Variants in ARHGAP24 observed in about 807,000 individuals in gnomAD.
ARHGAP24 encodes the protein Rho GTPase activating protein 24, also known as rho GTPase-activating protein 24.
Under a neutral mutation model 76.4 loss-of-function variants are expected in ARHGAP24, and 50 were observed. The ratio of observed to expected loss-of-function variants is 0.65; its 90% CI spans 0.52 to 0.83. The LOEUF (loss-of-function observed/expected upper bound fraction) is 0.83. Among genes scored for constraint, ARHGAP24 ranks in the 40% least tolerant of loss-of-function variants. The pLI, the probability that ARHGAP24 is intolerant of heterozygous loss-of-function variation, is 0.00. For synonymous variants in ARHGAP24, 345 were observed against 323.3 expected, an observed-to-expected ratio of 1.07 and a Z score of -0.72; for missense variants, 930 against 914.2, an observed-to-expected ratio of 1.02 and a Z score of -0.22.
chr4:85,974,863 T>C, intron 6 of ARHGAP24, 25 bp from the exon 7 acceptor site: 1 of 1,601,436 alleles, frequency 6.2e-7, no homozygotes, highest in Non-Finnish European at 8.6e-7. Flanking sequence ...AGAAAAATAA[T>C]ATTTATTTTC....
chr4:85,693,688 GC>G (rs1047193612), intron 2 of ARHGAP24, among the ~76,000 whole-genome samples: 21 of 152,334 alleles, frequency 1.4e-4, no homozygotes, highest in African/African-American at 4.6e-4. Context: ...CTGTTGGGTA[GC>G]CAGGCAAGGG....
intron 2 of ARHGAP24, among the ~76,000 whole-genome samples, chr4:85,688,201 A>G (rs1488232790): frequency 6.6e-6 from 1 of 152,164 alleles, no homozygotes; most frequent in Non-Finnish European, 1.5e-5. Context: ...CAATGTATAT[A>G]TGTTCCCTTC....
At chr4:85,625,913 T>C (rs1354847371) in intron 2 of ARHGAP24, among the ~76,000 whole-genome samples, 11 of 152,184 alleles carry the variant, frequency 7.2e-5, no homozygotes, top group South Asian at 6.2e-4. Flanking sequence ...TTTTGTTTTC[T>C]ATTTGCTTGG....
At chr4:85,555,594 C>G (rs575713759) in intron 1 of ARHGAP24, among the ~76,000 whole-genome samples, 1 of 152,204 alleles carries the variant, frequency 6.6e-6, no homozygotes, top group South Asian at 2.1e-4. Context: ...CAAGTCCTGG[C>G]TATAGCTCTT....
chr4:85,648,455 G>T (rs760654131), intron 2 of ARHGAP24, among the ~76,000 whole-genome samples: 1 of 152,098 alleles, frequency 6.6e-6, no homozygotes, highest in African/African-American at 2.4e-5. Flanking sequence ...GAATTGTGGT[G>T]CATGTTCATT....
intron 3 of ARHGAP24, among the ~76,000 whole-genome samples, chr4:85,910,389 T>C (rs1387328069): frequency 6.6e-6 from 1 of 152,190 alleles, no homozygotes; most frequent in East Asian, 1.9e-4. Flanking sequence ...GTTCTTGTCC[T>C]GCGACCAAGA....
chr4:85,930,456 C>G (rs1221681405), intron 4 of ARHGAP24: 2 of 990,248 alleles, frequency 2.0e-6, no homozygotes, highest in African/African-American at 3.5e-5. Context: ...CAAGGACAGT[C>G]CTGAAATATT....
rs373338275 is a variant in ARHGAP24 at position 85,558,351 on chromosome 4, A to G, written c.-20-12171A>G. Among the ~76,000 whole-genome samples the G allele has an allele frequency of 9.2e-5, 14 of 152,340 alleles. No individual in the cohort carries two copies. The East Asian group carries it at 2.5e-3, about 27-fold the overall frequency. On this transcript the variant is annotated intron_variant, in intron 1 of 9. Coordinates refer to ENST00000395184, the MANE Select transcript of ARHGAP24 (RefSeq NM_001025616.3). Reference sequence around the variant, plus strand: ...GTAGAAGATTTATTTCTCTTTCTCTAAACTGCTAATTAAATGTATTCAGGT... The same window carrying G: ...GTAGAAGATTTATTTCTCTTTCTCTGAACTGCTAATTAAATGTATTCAGGT...
In ARHGAP24 at chr4:85,487,163, T is replaced by TAAATATATATTTATTTTATATATATAA. The variant is rs1170270135; in HGVS notation, c.-21+11656_-21+11682dup. 2.6e-3 allele frequency among the ~76,000 whole-genome samples: 349 copies of TAAATATATATTTATTTTATATATATAA among 136,080 alleles called. 4 individuals carry two copies. Among genetic ancestry groups the TAAATATATATTTATTTTATATATATAA allele is most frequent in the African/African-American group, 6.8e-3 (242 of 35,338 alleles). The allele number at this position is 136,080 out of a possible 152,430, so 89.3% of individuals were successfully genotyped here. On this transcript the variant is annotated intron_variant, in intron 1 of 9. Transcript: ENST00000395184. Reference sequence around the variant, plus strand: ...TTGGTTGCTTGTGTGTATATATATATAAATATATATTTATTTTATATATAT... The same window carrying TAAATATATATTTATTTTATATATATAA: ...TTGGTTGCTTGTGTGTATATATATATAAATATATATTTATTTTATATATATAAAAATATATATTTATTTTATATATAT...
At chr4:85,691,311 A>T (rs561632350) in intron 2 of ARHGAP24, among the ~76,000 whole-genome samples, 11 of 152,294 alleles carry the variant, frequency 7.2e-5, no homozygotes, top group Non-Finnish European at 1.0e-4. Context: ...GATGAGAAGA[A>T]TGTATATCCT....
At chr4:85,786,456 T>A (rs914920782) in intron 3 of ARHGAP24, among the ~76,000 whole-genome samples, 5 of 152,212 alleles carry the variant, frequency 3.3e-5, no homozygotes, top group African/African-American at 1.2e-4. Flanking sequence ...CTGTAGCTCT[T>A]GAAATGGGAA....
chr4:85,785,119 A>G (rs1329958664), intron 3 of ARHGAP24, among the ~76,000 whole-genome samples: 1 of 152,144 alleles, frequency 6.6e-6, no homozygotes, highest in South Asian at 2.1e-4. Flanking sequence ...TGGTGCATTC[A>G]CGTGTGTCAT....
intron 1 of ARHGAP24, among the ~76,000 whole-genome samples, chr4:85,567,346 G>A (rs1726890683): frequency 6.6e-6 from 1 of 152,144 alleles, no homozygotes; most frequent in Admixed American, 6.6e-5. Flanking sequence ...ACCATAAGGT[G>A]GCAATAGAGA....
intron 2 of ARHGAP24, among the ~76,000 whole-genome samples, chr4:85,617,908 T>C (rs111255456): frequency 1.3e-5 from 2 of 152,232 alleles, no homozygotes; most frequent in African/African-American, 2.4e-5. Flanking sequence ...ATGTGGTCTT[T>C]TGATATTTGT....
At chr4:85,836,420 C>T (rs1468771390) in intron 3 of ARHGAP24, among the ~76,000 whole-genome samples, 2 of 152,196 alleles carry the variant, frequency 1.3e-5, no homozygotes, top group African/African-American at 4.8e-5. Context: ...AAGGTCTGTT[C>T]TCGGTCTTTC....
At chr4:85,592,465 CCTGT>C (rs1392651699) in intron 2 of ARHGAP24, among the ~76,000 whole-genome samples, 6 of 152,114 alleles carry the variant, frequency 3.9e-5, no homozygotes, top group Non-Finnish European at 7.4e-5. Context: ...CAACATTTAT[CCTGT>C]CTTTGTGTTA....
At chr4:85,951,623 C>T (rs1401590269) in intron 5 of ARHGAP24, among the ~76,000 whole-genome samples, 1 of 152,096 alleles carries the variant, frequency 6.6e-6, no homozygotes, top group Non-Finnish European at 1.5e-5. Context: ...ACAGACTGTG[C>T]ATAATGCTTT....
At chr4:85,549,106 A>G (rs1726028296) in intron 1 of ARHGAP24, among the ~76,000 whole-genome samples, 1 of 151,654 alleles carries the variant, frequency 6.6e-6, no homozygotes, top group African/African-American at 2.4e-5. Context: ...TATAAATAAA[A>G]CTACAATGAA....
intron 1 of ARHGAP24, among the ~76,000 whole-genome samples, chr4:85,529,818 T>A (rs1322241027): frequency 6.6e-6 from 1 of 152,030 alleles, no homozygotes; most frequent in African/African-American, 2.4e-5. Flanking sequence ...ATTTGAATGG[T>A]CAGCAAAACC....
Sources: allele counts gnomAD v4.1 joint callset (sites outside exome capture counted in the v4.1 genomes callset), GRCh38; gene constraint gnomAD v4.1.1; transcripts MANE v1.5; gene names NCBI Gene and HGNC (gene_info 2026-07-23, HGNC 2026-07-21).